The following NPAS2 variants were observed in gnomAD, a reference collection of about 807,000 sequenced individuals.
NPAS2 encodes neuronal PAS domain-containing protein 2.
In NPAS2, 23 loss-of-function variants were observed where a neutral mutation model predicts 107.5. The observed-to-expected ratio is 0.21, with a 90% CI of 0.15 to 0.30. NPAS2 has a LOEUF of 0.30. NPAS2 is among the 10% of genes least tolerant of loss of function. The pLI, the probability that NPAS2 is intolerant of heterozygous loss-of-function variation, is 1.00. For synonymous variants in NPAS2, 403 were observed against 417.5 expected (o/e 0.97, Z 0.42); for missense variants, 756 against 1,043.3 (o/e 0.72, Z 3.79).
intron 1 of NPAS2, among the ~76,000 whole-genome samples, chr2:100,874,445 A>C (rs915318790): frequency 5.9e-5 from 9 of 152,120 alleles, no homozygotes; most frequent in Admixed American, 5.9e-4. Flanking sequence ...ACTACCACTT[A>C]AAAAGATAAA....
rs56331462 is a variant in NPAS2, at chr2:100,875,461, T to TACACACAC, written c.-22-29234_-22-29227dup. On this transcript the variant is annotated intron_variant, in intron 1 of 20. Coordinates refer to ENST00000335681, the MANE Select transcript of NPAS2 (RefSeq NM_002518.4). Reference sequence around the variant, plus strand: ...ATAAAATTTTTAAAAATTAAAAGCTTACACACACACACACACACACACACA... The same window carrying TACACACAC: ...ATAAAATTTTTAAAAATTAAAAGCTTACACACACACACACACACACACACACACACACA... Among the ~76,000 whole-genome samples, 727 of 143,648 alleles carry TACACACAC rather than the reference T, an allele frequency of 5.1e-3. 10 individuals are homozygous for TACACACAC. The highest frequency in any genetic ancestry group is 0.017 in the African/African-American group (648 of 38,690). 94.2% of individuals were successfully genotyped at this position (143,648 alleles called of 152,430 possible).
At chr2:100,891,231 CAAA>C (rs141211705) in intron 1 of NPAS2, among the ~76,000 whole-genome samples, 1 of 93,844 alleles carries the variant, frequency 1.1e-5, no homozygotes, top group East Asian at 3.1e-4. Context: ...GACTCCATCT[CAAA>C]AAAAAAAAAA....
intron 4 of NPAS2, among the ~76,000 whole-genome samples, chr2:100,936,086 T>C (rs1684280298): frequency 6.6e-6 from 1 of 152,206 alleles, no homozygotes; most frequent in African/African-American, 2.4e-5. Flanking sequence ...TTAAGAAACG[T>C]ACTTGAATCT....
intron 1 of NPAS2, among the ~76,000 whole-genome samples, chr2:100,890,230 A>G (rs1225829804): frequency 6.6e-6 from 1 of 152,180 alleles, no homozygotes; most frequent in Non-Finnish European, 1.5e-5. Context: ...TTGGTCCCCT[A>G]CAGTGGGCCG....
chr2:100,895,649 G>A (rs1007074527), intron 1 of NPAS2, among the ~76,000 whole-genome samples: 4 of 152,016 alleles, frequency 2.6e-5, no homozygotes, highest in Non-Finnish European at 4.4e-5. Context: ...CACTGGCCTT[G>A]CTTGATTAGA....
intron 1 of NPAS2, among the ~76,000 whole-genome samples, chr2:100,883,253 A>G (rs151137116): frequency 5.5e-4 from 84 of 152,330 alleles, no homozygotes; most frequent in African/African-American, 1.8e-3. Flanking sequence ...GAGATCCACC[A>G]AGGCCAGATG....
intron 1 of NPAS2, among the ~76,000 whole-genome samples, chr2:100,838,825 T>C (rs1167687206): frequency 1.3e-5 from 2 of 152,180 alleles, no homozygotes; most frequent in Admixed American, 6.5e-5. Flanking sequence ...GGTGCTTTGC[T>C]CCATTGCTTT....
intron 1 of NPAS2, chr2:100,877,980 G>T: frequency 1.0e-6 from 1 of 985,306 alleles, no homozygotes; most frequent in Non-Finnish European, 1.2e-6. Context: ...TATAGTCTGG[G>T]GCCTGCAGAA....
intron 4 of NPAS2, 47 bp from the exon 5 acceptor site, chr2:100,937,706 C>T (rs1176926988): frequency 1.5e-6 from 2 of 1,324,276 alleles, no homozygotes; most frequent in Non-Finnish European, 2.2e-6. Flanking sequence ...ACATGCTCCT[C>T]CATAAACGCA....
intron 1 of NPAS2, chr2:100,822,602 TTTTAA>T (rs1461972386): frequency 6.6e-6 from 1 of 152,232 alleles, no homozygotes; most frequent in Non-Finnish European, 1.5e-5. Flanking sequence ...TGCGTATACT[TTTTAA>T]TTTAACCATC....
intron 5 of NPAS2, among the ~76,000 whole-genome samples, chr2:100,943,075 T>C (rs1365582286): frequency 6.6e-6 from 1 of 152,156 alleles, no homozygotes; most frequent in East Asian, 1.9e-4. Context: ...TGACTAGATG[T>C]AGAATGGCTG....
At chr2:100,866,198 A>C (rs1332506002) in intron 1 of NPAS2, among the ~76,000 whole-genome samples, 1 of 152,142 alleles carries the variant, frequency 6.6e-6, no homozygotes, top group Non-Finnish European at 1.5e-5. Context: ...TGGGGAGAGA[A>C]CAGTTGATCA....
At chr2:100,958,162 C>T (rs2105111729) in intron 7 of NPAS2, among the ~76,000 whole-genome samples, 1 of 152,286 alleles carries the variant, frequency 6.6e-6, no homozygotes, top group South Asian at 2.1e-4. Flanking sequence ...AAACCACACA[C>T]CAGAGTATAA....
chr2:100,994,318 C>T (rs1473074553), intron 20 of NPAS2: 1 of 152,282 alleles, frequency 6.6e-6, no homozygotes, highest in Non-Finnish European at 1.5e-5. Flanking sequence ...CCTTGAAGTT[C>T]TAGAACGTAA....
At position 100,842,093 on chromosome 2, in the gene NPAS2, A is replaced by G. The variant is rs867362431; in HGVS notation, c.-23+21679A>G. ...TGTGCATGTACGCGCACACACACAC[A>G]CACACACACACACACACTTAAGCCC... On this transcript the variant is annotated intron_variant, in intron 1 of 20. Transcript: ENST00000335681. 5.6e-4 allele frequency among the ~76,000 whole-genome samples: 85 copies of G among 151,468 alleles called. 1 individual carries two copies. The highest frequency in any genetic ancestry group is 3.1e-3 in the South Asian group (15 of 4,802).
chr2:100,879,561 TA>T (rs112425333), intron 1 of NPAS2, among the ~76,000 whole-genome samples: 1 of 152,130 alleles, frequency 6.6e-6, no homozygotes, highest in South Asian at 2.1e-4. Context: ...TCTGTTTTTT[TA>T]ATTCCGCATG....
At position 100,916,687 on chromosome 2, in the gene NPAS2, G is replaced by C. The variant is rs184974819; in HGVS notation, c.33-8459G>C. Among the ~76,000 whole-genome samples the C allele has an allele frequency of 4.5e-4, 69 of 152,250 alleles. 1 individual carries two copies. The East Asian group carries it at 9.6e-3, about 21-fold the overall frequency. ...TAGAGTAAACTTCAGCAAGGATATA[G>C]AAGAACTGAAAAATGCCATCAACCA... is the stretch of plus-strand genomic sequence containing the variant. On this transcript the variant is annotated intron_variant, in intron 2 of 20. Transcript: ENST00000335681.
At chr2:100,846,047 G>C (rs750916393) in intron 1 of NPAS2, among the ~76,000 whole-genome samples, 1 of 152,202 alleles carries the variant, frequency 6.6e-6, no homozygotes, top group Non-Finnish European at 1.5e-5. Context: ...AAGGTGAATG[G>C]AGACAGTGCC....
At chr2:100,916,342 A>G (rs1682879944) in intron 2 of NPAS2, among the ~76,000 whole-genome samples, 1 of 152,194 alleles carries the variant, frequency 6.6e-6, no homozygotes, top group African/African-American at 2.4e-5. Flanking sequence ...ACCTAAATAT[A>G]TGCTGTCTAC....
Sources: allele counts gnomAD v4.1 joint callset (sites outside exome capture counted in the v4.1 genomes callset), GRCh38; gene constraint gnomAD v4.1.1; transcripts MANE v1.5; gene names NCBI Gene and HGNC (gene_info 2026-07-23, HGNC 2026-07-21).